The following SGCZ variants were observed in gnomAD, a reference collection of about 807,000 sequenced individuals.
SGCZ encodes zeta-sarcoglycan.
Under a neutral mutation model 41.3 loss-of-function variants are expected in SGCZ, and 40 were observed. The ratio of observed to expected loss-of-function variants is 0.97; its 90% CI spans 0.75 to 1.26. SGCZ has a LOEUF of 1.26. Ranked by LOEUF, SGCZ falls within the 50% of genes most tolerant of loss-of-function variation. The pLI, the probability that SGCZ is intolerant of heterozygous loss-of-function variation, is 0.00. For missense variants in SGCZ, 552 were observed against 369.8 expected (o/e 1.49, Z -4.04); for synonymous variants, 206 against 137.5 (o/e 1.50, Z -3.49).
At position 14,419,943 on chromosome 8, in the gene SGCZ, C is replaced by A. The variant is rs76262311; in HGVS notation, c.235-95739G>T. On this transcript the variant is annotated intron_variant, in intron 2 of 7. Coordinates refer to ENST00000382080, the MANE Select transcript of SGCZ (RefSeq NM_139167.4). ...TTTCATCCCCCATGTCATTACAGAACAATGGTTTATTTTCTGCTTCACAAT... is the reference window on the plus strand; with the variant it reads ...TTTCATCCCCCATGTCATTACAGAAAAATGGTTTATTTTCTGCTTCACAAT... Among the ~76,000 whole-genome samples, 1,033 of 152,122 alleles carry A rather than the reference C, an allele frequency of 6.8e-3. 17 individuals are homozygous for A. The highest frequency in any genetic ancestry group is 0.024 in the African/African-American group (1,007 of 41,542).
At chr8:14,218,878 G>C (rs571733652) in intron 4 of SGCZ, among the ~76,000 whole-genome samples, 2 of 152,132 alleles carry the variant, frequency 1.3e-5, no homozygotes, top group African/African-American at 4.8e-5. Context: ...GACTTTGGAG[G>C]CCAGCCATTG....
intron 3 of SGCZ, among the ~76,000 whole-genome samples, chr8:14,276,334 T>C (rs1486063123): frequency 1.3e-5 from 2 of 152,178 alleles, no homozygotes; most frequent in Non-Finnish European, 2.9e-5. Flanking sequence ...TCTTATAGCA[T>C]TCATTTTTGC....
At chr8:14,530,156 A>C (rs754452229) in intron 2 of SGCZ, among the ~76,000 whole-genome samples, 25 of 152,034 alleles carry the variant, frequency 1.6e-4, no homozygotes, top group Non-Finnish European at 3.4e-4. Context: ...AATCATCTGA[A>C]CTCTCAGTAA....
chr8:14,522,954 A>G lies in SGCZ; in HGVS notation c.234+31778T>C, dbSNP rs1224172263. ...TATTCTATTTTGATTTATCTATATT[A>G]ATTTTTAGTGCATCTCTTTGTATAA... On this transcript the variant is annotated intron_variant, in intron 2 of 7. Transcript: ENST00000382080. Among the ~76,000 whole-genome samples the G allele has an allele frequency of 2.0e-5, 3 of 151,910 alleles. No individual in the cohort carries two copies. The East Asian group carries it at 5.8e-4, about 29-fold the overall frequency.
At chr8:14,128,326 G>C (rs1213750310) in intron 5 of SGCZ, among the ~76,000 whole-genome samples, 1 of 152,162 alleles carries the variant, frequency 6.6e-6, no homozygotes, top group Non-Finnish European at 1.5e-5. Flanking sequence ...CTGATTATCA[G>C]AGAAATGCAA....
At chr8:14,498,894 G>C (rs1426070437) in intron 2 of SGCZ, among the ~76,000 whole-genome samples, 1 of 151,384 alleles carries the variant, frequency 6.6e-6, no homozygotes, top group East Asian at 1.9e-4. Context: ...AGGACATTTC[G>C]ATGTCTTAGT....
chr8:15,235,250 T>G (rs972461122), intron 1 of SGCZ, among the ~76,000 whole-genome samples: 1 of 152,174 alleles, frequency 6.6e-6, no homozygotes, highest in Non-Finnish European at 1.5e-5. Flanking sequence ...ACAAACTGTA[T>G]ATATTTCAGA....
intron 5 of SGCZ, among the ~76,000 whole-genome samples, chr8:14,152,082 A>T (rs947421675): frequency 6.6e-6 from 1 of 152,148 alleles, no homozygotes; most frequent in South Asian, 2.1e-4. Flanking sequence ...TAGGCATTGG[A>T]TCTCAAAAAT....
rs938004343 is a variant in SGCZ at position 14,121,547 on chromosome 8, G to A, written c.548-13312C>T. Among the ~76,000 whole-genome samples the A allele has an allele frequency of 5.9e-5, 9 of 152,030 alleles. No individual in the cohort carries two copies. The East Asian group carries it at 7.7e-4, about 13-fold the overall frequency. On this transcript the variant is annotated intron_variant, in intron 5 of 7. Transcript: ENST00000382080. ...TATACAGGGTTTTTTTGGTATTGCC[G>A]TTATTATTGTTGTTAAACTGACTAA...
At chr8:14,601,619 A>C (rs1805592313) in intron 1 of SGCZ, among the ~76,000 whole-genome samples, 1 of 152,176 alleles carries the variant, frequency 6.6e-6, no homozygotes, top group Non-Finnish European at 1.5e-5. Context: ...TTGATTGTTT[A>C]CAAAATCTGT....
At chr8:14,408,152 A>C (rs1051577337) in intron 2 of SGCZ, among the ~76,000 whole-genome samples, 3 of 152,092 alleles carry the variant, frequency 2.0e-5, no homozygotes, top group Non-Finnish European at 2.9e-5. Context: ...TTAAAAGAAA[A>C]ATTATGATGT....
At chr8:14,893,739 A>G (rs1418729419) in intron 1 of SGCZ, among the ~76,000 whole-genome samples, 1 of 152,168 alleles carries the variant, frequency 6.6e-6, no homozygotes, top group Non-Finnish European at 1.5e-5. Flanking sequence ...TAACTTGCCT[A>G]CCAAAGTCAC....
intron 3 of SGCZ, among the ~76,000 whole-genome samples, chr8:14,269,655 T>C (rs1799996813): frequency 6.6e-6 from 1 of 152,050 alleles, no homozygotes; most frequent in East Asian, 1.9e-4. Flanking sequence ...GATGATAGTG[T>C]GGAGAGTTCT....
Position 14,261,659 on chromosome 8 carries a change from G to A in SGCZ, c.337-23980C>T, listed in dbSNP as rs187919312. On this transcript the variant is annotated intron_variant, in intron 3 of 7. Transcript: ENST00000382080. ...TACTTGTCAATAATTTGACCAAAGAGTAACGTTGATCATACCAACCAAGCA... is the reference window on the plus strand; with the variant it reads ...TACTTGTCAATAATTTGACCAAAGAATAACGTTGATCATACCAACCAAGCA... Among the ~76,000 whole-genome samples, 46 of 152,228 alleles carry A rather than the reference G, an allele frequency of 3.0e-4. No individual in the cohort carries two copies. The East Asian group carries it at 8.5e-3, about 28-fold the overall frequency.
intron 1 of SGCZ, among the ~76,000 whole-genome samples, chr8:15,151,155 C>A (rs940035876): frequency 1.3e-5 from 2 of 152,236 alleles, no homozygotes; most frequent in African/African-American, 4.8e-5. Flanking sequence ...GTACGCCAAC[C>A]AACAACCAAC....
At chr8:14,173,113 T>G (rs1351852695) in intron 4 of SGCZ, among the ~76,000 whole-genome samples, 1 of 152,046 alleles carries the variant, frequency 6.6e-6, no homozygotes, top group African/African-American at 2.4e-5. Flanking sequence ...AAGTCTAAAA[T>G]CATACTTGAA....
chr8:15,207,206 G>C (rs551895094), intron 1 of SGCZ, among the ~76,000 whole-genome samples: 37 of 152,270 alleles, frequency 2.4e-4, no homozygotes, highest in South Asian at 1.2e-3. Context: ...ACCAAGTTTG[G>C]GTTGACAGCA....
intron 4 of SGCZ, among the ~76,000 whole-genome samples, chr8:14,228,853 G>C (rs1806464245): frequency 6.6e-6 from 1 of 152,060 alleles, no homozygotes; most frequent in Non-Finnish European, 1.5e-5. Flanking sequence ...AAATTTCAAA[G>C]ATATAGTATT....
chr8:15,149,358 G>C (rs1009460603), intron 1 of SGCZ, among the ~76,000 whole-genome samples: 9 of 152,206 alleles, frequency 5.9e-5, no homozygotes, highest in East Asian at 1.9e-4. Context: ...AGGACAGAAA[G>C]TCTAACTGGA....
Sources: gnomAD v4.1 joint callset for allele counts (sites outside exome capture counted in the v4.1 genomes callset) on GRCh38, gnomAD v4.1.1 for gene constraint, MANE v1.5 for transcripts, NCBI Gene and HGNC (gene_info 2026-07-23, HGNC 2026-07-21) for gene names.